Variants in TRRAP observed in about 807,000 individuals in gnomAD.
TRRAP encodes transformation/transcription domain-associated protein.
Under a neutral mutation model 438.8 loss-of-function variants are expected in TRRAP, and 41 were observed. That is an observed-to-expected ratio of 0.09 (90% confidence interval 0.07 to 0.12). The LOEUF (loss-of-function observed/expected upper bound fraction) is 0.12, where lower values mean the gene tolerates loss of function less well. Among genes scored for constraint, TRRAP ranks in the 10% least tolerant of loss-of-function variants. The pLI is 1.00. For synonymous variants in TRRAP, 1,994 were observed against 1,962.9 expected, an observed-to-expected ratio of 1.02 and a Z score of -0.42; for missense variants, 3,122 against 5,055.1, an observed-to-expected ratio of 0.62 and a Z score of 11.60.
chr7:98,893,959 A>G lies in TRRAP; in HGVS notation c.450+78A>G, dbSNP rs1330771219. ...TCTGTGAAATTTTTTGCTGTCTCAAAGTTGGCTGAACACATACTGTTTTCA... is the reference window on the plus strand; with the variant it reads ...TCTGTGAAATTTTTTGCTGTCTCAAGGTTGGCTGAACACATACTGTTTTCA... On this transcript the variant is annotated intron_variant, in intron 6 of 72. Transcript: ENST00000456197. The G allele has an allele frequency of 6.4e-6, 9 of 1,400,418 alleles. 1 individual carries two copies. Among genetic ancestry groups the G allele is most frequent in the Non-Finnish European group, 9.0e-6 (9 of 1,000,086 alleles). 86.7% of individuals were successfully genotyped at this position (1,400,418 alleles called of 1,614,324 possible).
At chr7:98,943,461 T>G (rs1554416131) in intron 31 of TRRAP, among the ~76,000 whole-genome samples, 3 of 152,202 alleles carry the variant, frequency 2.0e-5, no homozygotes, top group Admixed American at 2.0e-4. Context: ...AACTGGTTTT[T>G]GGGACTGAAA....
intron 53 of TRRAP, among the ~76,000 whole-genome samples, chr7:98,974,401 C>T (rs1469490939): frequency 6.6e-6 from 1 of 152,204 alleles, no homozygotes; most frequent in South Asian, 2.1e-4. Flanking sequence ...CCCAGGCACA[C>T]AGGCTCTTTC....
Position 98,917,420 on chromosome 7 carries a change from T to C in TRRAP, c.2366-3T>C. ...TCTCTGATAGCTGCACCCCCTTCCC[T>C]AGGGCTGAACATGCTTCAGAGTGGC... is the stretch of plus-strand genomic sequence containing the variant. On this transcript the variant is annotated splice_polypyrimidine_tract_variant and splice_region_variant and intron_variant, in intron 19 of 72. Transcript: ENST00000456197. 6.2e-7 allele frequency: 1 copy of C among 1,613,762 alleles called. No individual in the cohort carries two copies. Among genetic ancestry groups the C allele is most frequent in the Non-Finnish European group, 8.5e-7 (1 of 1,179,724 alleles).
chr7:98,995,869 ATGTCCCATCATACACACCCC>A (rs149997303), intron 67 of TRRAP, among the ~76,000 whole-genome samples: 18,913 of 141,018 alleles, frequency 0.13, 4,266 homozygotes, highest in African/African-American at 0.48. Flanking sequence ...TTACACACGC[ATGTCCCATCATACACACCCC>A]TGTCCCATCT....
Position 98,918,527 on chromosome 7 carries a change from G to A in TRRAP, c.2622+848G>A, listed in dbSNP as rs533412993. 5.8e-4 allele frequency among the ~76,000 whole-genome samples: 88 copies of A among 151,950 alleles called. 1 individual carries two copies. Among genetic ancestry groups the A allele is most frequent in the Non-Finnish European group, 2.9e-4 (20 of 67,958 alleles). ...ACAGCCGCGAGTCACCGTGCCTGGC[G>A]AGGGTTATATTCTTAATAAGTTGAT... On this transcript the variant is annotated intron_variant, in intron 20 of 72. Coordinates refer to ENST00000456197, the MANE Select transcript of TRRAP (RefSeq NM_001375524.1).
chr7:98,976,942 A>G lies in TRRAP; in HGVS notation c.8251A>G (p.Ile2751Val). 1 of 1,614,082 alleles carries G rather than the reference A, an allele frequency of 6.2e-7. No homozygotes were observed. The highest frequency in any genetic ancestry group is 1.1e-5 in the South Asian group (1 of 91,080). The change falls in exon 56 of 73, where the codon ATA (isoleucine) becomes GTA (valine). Residue 2751 changes from isoleucine (I) to valine (V), a missense_variant. Physicochemically the swap from Ile to Val is conservative, Grantham distance 29 (BLOSUM62 3). Coordinates refer to ENST00000456197, the MANE Select transcript of TRRAP (RefSeq NM_001375524.1). The surrounding 1 kb of genome is among the most constrained non-coding windows in gnomAD (Gnocchi z 4.6). ...QESITPPQQE[I>V]LDSLAELYSL... The stretch of plus-strand genomic sequence containing the variant: ...GAACCTTACTTTGTGTTTTCAGGAG[A>G]TACTGGATTCCCTTGCGGAGCTTTA...
intron 2 of TRRAP, chr7:98,881,686 A>G (rs1795442626): frequency 8.1e-6 from 3 of 371,734 alleles, no homozygotes; most frequent in Non-Finnish European, 1.5e-5. Flanking sequence ...CCTTTTCTCT[A>G]CCTTGTAGAG....
At chr7:98,978,927 C>T in intron 58 of TRRAP, 23 bp downstream of exon 58, 6 of 1,612,196 alleles carry the variant, frequency 3.7e-6, no homozygotes, top group Non-Finnish European at 5.1e-6. Context: ...GGGGGCATCC[C>T]TGCCGCTGCC....
intron 14 of TRRAP, among the ~76,000 whole-genome samples, chr7:98,909,165 A>G (rs1350164145): frequency 1.3e-5 from 2 of 151,898 alleles, no homozygotes; most frequent in Non-Finnish European, 2.9e-5. Flanking sequence ...CTGGGATTAT[A>G]GGCATGCACC....
intron 63 of TRRAP, among the ~76,000 whole-genome samples, chr7:98,990,251 A>G (rs1793340791): frequency 6.6e-6 from 1 of 152,242 alleles, no homozygotes. Flanking sequence ...AAAAAACTAA[A>G]GAGAAAATCT....
At chr7:98,905,895 A>G (rs868954062) in intron 12 of TRRAP, among the ~76,000 whole-genome samples, 12 of 152,276 alleles carry the variant, frequency 7.9e-5, no homozygotes, top group Middle Eastern at 6.8e-3. Context: ...CAGAGGTGGG[A>G]TCTCTGCCAG....
In TRRAP at chr7:98,974,211, T is replaced by A. The variant is rs116798565; in HGVS notation, c.7840-1938T>A. ...GAGGGTGGTGTCGTGTTATTTCATCTTCTGTGTATTTATGGGAGTTGAGAT... is the reference window on the plus strand; with the variant it reads ...GAGGGTGGTGTCGTGTTATTTCATCATCTGTGTATTTATGGGAGTTGAGAT... On this transcript the variant is annotated intron_variant, in intron 53 of 72. Coordinates refer to ENST00000456197, the MANE Select transcript of TRRAP (RefSeq NM_001375524.1). 6.7e-3 allele frequency among the ~76,000 whole-genome samples: 1,013 copies of A among 152,280 alleles called. 16 individuals carry two copies. Among genetic ancestry groups the A allele is most frequent in the African/African-American group, 0.023 (945 of 41,530 alleles).
chr7:99,007,717 C>T (rs1794243498), intron 69 of TRRAP, among the ~76,000 whole-genome samples: 1 of 152,032 alleles, frequency 6.6e-6, no homozygotes. Flanking sequence ...GGCGCAGTCA[C>T]AGCTCACTGC....
chr7:98,997,081 G>A (rs995220417), intron 67 of TRRAP, among the ~76,000 whole-genome samples: 8 of 151,888 alleles, frequency 5.3e-5, no homozygotes, highest in South Asian at 2.1e-4. Flanking sequence ...CGAGGTGGGC[G>A]GGTCACTTGA....
chr7:99,006,674 CAG>C (rs1381352327), intron 69 of TRRAP, among the ~76,000 whole-genome samples: 1 of 152,192 alleles, frequency 6.6e-6, no homozygotes, highest in Non-Finnish European at 1.5e-5. Context: ...GACTCCACGT[CAG>C]GGGTTACAGT....
At chr7:98,898,341 TCTCA>T (rs1554406113) in intron 8 of TRRAP, among the ~76,000 whole-genome samples, 2 of 152,218 alleles carry the variant, frequency 1.3e-5, no homozygotes, top group African/African-American at 4.8e-5. Flanking sequence ...GAAAAACCTG[TCTCA>T]CGGACTTTGT....
chr7:98,957,834 C>A, intron 43 of TRRAP, 147 bp from the exon 44 acceptor site: 2 of 702,180 alleles, frequency 2.8e-6, no homozygotes, highest in Non-Finnish European at 5.0e-6. Flanking sequence ...AGGGCACAGA[C>A]CACATCTGTC....
chr7:98,937,317 CACACACATGTGTGT>C, intron 29 of TRRAP, 40 bp downstream of exon 29: 1 of 1,593,490 alleles, frequency 6.3e-7, no homozygotes, highest in Non-Finnish European at 8.5e-7. Context: ...CGCGTGTGTG[CACACACATGTGTGT>C]GTACTCTGCA....
chr7:98,894,303 T>G (rs1796097309), intron 6 of TRRAP, among the ~76,000 whole-genome samples: 1 of 152,204 alleles, frequency 6.6e-6, no homozygotes, highest in African/African-American at 2.4e-5. Flanking sequence ...AATCATAGTA[T>G]GTCCTTAAAA....
Sources: allele counts gnomAD v4.1 joint callset (sites outside exome capture counted in the v4.1 genomes callset), GRCh38; gene constraint gnomAD v4.1.1; non-coding constraint Gnocchi (gnomAD v3.1); transcripts MANE v1.5; gene names NCBI Gene and HGNC (gene_info 2026-07-23, HGNC 2026-07-21).